The following MTDH variants were observed in gnomAD, a reference collection of about 807,000 sequenced individuals.
The protein encoded by MTDH is protein LYRIC.
Under a neutral mutation model 72.7 loss-of-function variants are expected in MTDH, and 34 were observed. The observed-to-expected ratio is 0.47, with a 90% CI of 0.36 to 0.62. MTDH has a LOEUF of 0.62. Ranked by LOEUF, MTDH falls within the 20% of genes least tolerant of loss-of-function variation. The probability of loss-of-function intolerance (pLI) is 0.00; values close to 1 mark genes in which losing one functional copy is unlikely to be tolerated. For missense variants in MTDH, 677 were observed against 699.4 expected, an observed-to-expected ratio of 0.97 and a Z score of 0.36; for synonymous variants, 266 against 268.9, an observed-to-expected ratio of 0.99 and a Z score of 0.10.
intron 1 of MTDH, among the ~76,000 whole-genome samples, chr8:97,645,505 G>A (rs780214857): frequency 2.0e-5 from 3 of 152,214 alleles, no homozygotes; most frequent in African/African-American, 4.8e-5. Flanking sequence ...GAGGGGGTCG[G>A]TTACCTAATA....
intron 9 of MTDH, among the ~76,000 whole-genome samples, chr8:97,718,566 G>A (rs1361970893): frequency 1.3e-5 from 2 of 150,862 alleles, no homozygotes; most frequent in Non-Finnish European, 2.9e-5. Context: ...TGTTGCCCAG[G>A]CTGGAGTGCA....
rs1428862836 is a variant in MTDH, at chr8:97,683,097, C to T, written c.484-3571C>T. Among the ~76,000 whole-genome samples, 17 of 96,582 alleles carry T rather than the reference C, an allele frequency of 1.8e-4. No individual in the cohort carries two copies. The Admixed American group carries it at 2.9e-3, about 16-fold the overall frequency. 63.4% of individuals were successfully genotyped at this position (96,582 alleles called of 152,430 possible). A position where few individuals can be genotyped will look rare whatever the true frequency, so the allele number is the denominator to read the frequency against. ...TTTTTTTTTTTGAGATGGAGTCTCT[C>T]TCTGTCACCCAGGCTGGAGTGCAGT... On this transcript the variant is annotated intron_variant, in intron 2 of 11. Transcript: ENST00000336273.
intron 2 of MTDH, among the ~76,000 whole-genome samples, chr8:97,667,880 A>G (rs1032308162): frequency 6.6e-6 from 1 of 151,878 alleles, no homozygotes; most frequent in Non-Finnish European, 1.5e-5. Context: ...TGTGTCTGCT[A>G]CCATGAGCTT....
At chr8:97,662,718 A>G (rs1204740583) in intron 2 of MTDH, among the ~76,000 whole-genome samples, 2 of 151,822 alleles carry the variant, frequency 1.3e-5, no homozygotes, top group Non-Finnish European at 2.9e-5. Context: ...CCCAAGAGAC[A>G]GAGGTTGCAG....
intron 1 of MTDH, among the ~76,000 whole-genome samples, chr8:97,659,886 C>T (rs1010595480): frequency 2.0e-5 from 3 of 152,128 alleles, no homozygotes; most frequent in East Asian, 3.9e-4. Context: ...AGGCTGGGCA[C>T]GGTGGCTCAC....
chr8:97,718,901 G>T, intron 9 of MTDH, 148 bp from the exon 10 acceptor site: 1 of 612,518 alleles, frequency 1.6e-6, no homozygotes, highest in Non-Finnish European at 2.8e-6. Context: ...TCACCATGTT[G>T]CCCAGGCTGG....
intron 2 of MTDH, among the ~76,000 whole-genome samples, chr8:97,668,099 A>G (rs1459374663): frequency 6.6e-6 from 1 of 152,082 alleles, no homozygotes; most frequent in Non-Finnish European, 1.5e-5. Context: ...CATCCTGGCT[A>G]ACACGGTGAA....
intron 2 of MTDH, among the ~76,000 whole-genome samples, chr8:97,684,340 T>C (rs1181883098): frequency 6.6e-6 from 1 of 152,224 alleles, no homozygotes. Context: ...AAAATGTGTC[T>C]ACTAGAAATT....
rs373216504 is a variant in MTDH, at chr8:97,674,971, C to T, written c.484-11697C>T. Reference sequence around the variant, plus strand: ...GACTACAGGCATGCACCACCACACCCGACTAATTTTTTATTTTTTGTAGAG... The same window carrying T: ...GACTACAGGCATGCACCACCACACCTGACTAATTTTTTATTTTTTGTAGAG... On this transcript the variant is annotated intron_variant, in intron 2 of 11. Coordinates refer to ENST00000336273, the MANE Select transcript of MTDH (RefSeq NM_178812.4). Among the ~76,000 whole-genome samples the T allele has an allele frequency of 8.5e-5, 13 of 152,130 alleles. No individual in the cohort carries two copies. In the East Asian group the frequency reaches 1.4e-3, roughly 16 times the overall value.
At chr8:97,688,923 T>C in intron 4 of MTDH, 115 bp from the exon 5 acceptor site, 1 of 432,188 alleles carries the variant, frequency 2.3e-6, no homozygotes. Flanking sequence ...ATTTAGCACT[T>C]GAAGGAGCAA....
rs1317705441 is a variant in MTDH at position 97,687,601 on chromosome 8, T to C, written c.741T>C (p.Asn247=). 3.7e-6 allele frequency: 6 copies of C among 1,605,110 alleles called. 1 individual carries two copies. The highest frequency in any genetic ancestry group is 5.1e-6 in the Non-Finnish European group (6 of 1,176,198). ...TASFPVGSKK[N]KGDSHLNVQV... ...CATTTCCTGTTGGTTCCAAGAAGAA[T>C]AAAGGTATATTAGTGGAACATAAGA... Residue 247 remains asparagine, a synonymous_variant, in exon 4 of 12, where the codon AAT becomes AAC. Coordinates refer to ENST00000336273, the MANE Select transcript of MTDH (RefSeq NM_178812.4).
Position 97,724,659 on chromosome 8 carries a change from C to T in MTDH, c.1738C>T (p.Arg580Ter), listed in dbSNP as rs1398025858. ...AATAAAAAAGAAGAAAAAAGCCAGACGAGAAACGTGAAATTTTTTTTCCTG... is the reference window on the plus strand; with the variant it reads ...AATAAAAAAGAAGAAAAAAGCCAGATGAGAAACGTGAAATTTTTTTTCCTG... The part of the protein sequence containing the change: ...KQIKKKKKAR[R>*]ET Residue 580 changes from arginine (R) to a stop codon, truncating the protein, a stop_gained, in exon 12 of 12, where the codon CGA becomes TGA. Transcript: ENST00000336273. LOFTEE classifies it high-confidence loss of function. 9 of 1,592,738 alleles carry T rather than the reference C, an allele frequency of 5.7e-6. No homozygotes were observed. Among genetic ancestry groups the T allele is most frequent in the Admixed American group, 1.9e-5 (1 of 53,374 alleles).
intron 2 of MTDH, among the ~76,000 whole-genome samples, chr8:97,669,311 A>G (rs72671513): frequency 0.093 from 14,162 of 151,654 alleles, 920 homozygotes; most frequent in East Asian, 0.25. Context: ...CACCACACCC[A>G]ACTAATTTTT....
chr8:97,664,853 C>T (rs1428451903), intron 2 of MTDH, among the ~76,000 whole-genome samples: 1 of 152,076 alleles, frequency 6.6e-6, no homozygotes, highest in East Asian at 1.9e-4. Context: ...CCTCCGCCTC[C>T]CAGCTCAAAC....
intron 4 of MTDH, among the ~76,000 whole-genome samples, chr8:97,688,393 A>G (rs1267795427): frequency 2.0e-5 from 3 of 152,182 alleles, no homozygotes; most frequent in African/African-American, 7.2e-5. Context: ...ATGGTACAGC[A>G]ATGACTTCTA....
intron 4 of MTDH, among the ~76,000 whole-genome samples, chr8:97,688,003 T>C (rs77193993): frequency 0.031 from 4,791 of 152,308 alleles, 277 homozygotes; most frequent in African/African-American, 0.11. Context: ...GAATCATGCA[T>C]GTTCTGGTGA....
At chr8:97,712,201 C>T (rs1271955183) in intron 8 of MTDH, among the ~76,000 whole-genome samples, 3 of 152,140 alleles carry the variant, frequency 2.0e-5, no homozygotes, top group Non-Finnish European at 4.4e-5. Flanking sequence ...CCAGGCCCAG[C>T]TAATTTTTTT....
At chr8:97,681,694 T>C (rs959778948) in intron 2 of MTDH, among the ~76,000 whole-genome samples, 1 of 151,900 alleles carries the variant, frequency 6.6e-6, no homozygotes, top group African/African-American at 2.4e-5. Context: ...GGTTTTGTTA[T>C]GTTGGCCAGC....
chr8:97,682,249 TATATATATA>T (rs1813137175), intron 2 of MTDH, among the ~76,000 whole-genome samples: 1 of 5,960 alleles, frequency 1.7e-4, no homozygotes, highest in Non-Finnish European at 3.5e-4. Flanking sequence ...TATATATATA[TATATATATA>T]TATATATATA....
Sources: allele counts gnomAD v4.1 joint callset (sites outside exome capture counted in the v4.1 genomes callset), GRCh38; gene constraint gnomAD v4.1.1; transcripts MANE v1.5; gene names NCBI Gene and HGNC (gene_info 2026-07-23, HGNC 2026-07-21).